SLC25A48: variants seen among roughly 807,000 people sequenced by gnomAD.
The protein encoded by SLC25A48 is CTC-321K16.1.
Under a neutral mutation model 32.2 loss-of-function variants are expected in SLC25A48, and 29 were observed. The ratio of observed to expected loss-of-function variants is 0.90; its 90% CI spans 0.67 to 1.23. The LOEUF (loss-of-function observed/expected upper bound fraction) is 1.23, where lower values mean the gene tolerates loss of function less well. SLC25A48 is among the 50% of genes most tolerant of loss of function. The pLI is 0.00. For synonymous variants in SLC25A48, 164 were observed against 172.3 expected, an observed-to-expected ratio of 0.95 and a Z score of 0.38; for missense variants, 399 against 422.7, an observed-to-expected ratio of 0.94 and a Z score of 0.49.
At chr5:135,864,256 T>A (rs1175239935) in intron 4 of SLC25A48, among the ~76,000 whole-genome samples, 2 of 152,212 alleles carry the variant, frequency 1.3e-5, no homozygotes, top group East Asian at 3.8e-4. Context: ...GGTCATCAGC[T>A]GTACCTCTGA....
At chr5:135,636,348 A>C (rs1752705042) in intron 3 of SLC25A48, among the ~76,000 whole-genome samples, 1 of 152,210 alleles carries the variant, frequency 6.6e-6, no homozygotes, top group African/African-American at 2.4e-5. Flanking sequence ...ATTTTGTTCC[A>C]TGAGAGAGGG....
At chr5:135,694,780 T>G (rs1191675042) in intron 3 of SLC25A48, among the ~76,000 whole-genome samples, 5 of 151,984 alleles carry the variant, frequency 3.3e-5, no homozygotes, top group Non-Finnish European at 7.4e-5. Flanking sequence ...AGAGATGAGG[T>G]TTCGCCATAT....
chr5:135,642,760 A>G (rs750385916), intron 3 of SLC25A48, among the ~76,000 whole-genome samples: 2 of 152,170 alleles, frequency 1.3e-5, no homozygotes, highest in Non-Finnish European at 2.9e-5. Context: ...ATCTCATAGA[A>G]ACTCATAGCG....
chr5:135,661,544 G>A (rs963548980), intron 3 of SLC25A48, among the ~76,000 whole-genome samples: 2 of 152,016 alleles, frequency 1.3e-5, no homozygotes, highest in African/African-American at 4.8e-5. Context: ...AAAAAACATG[G>A]CCTCCTTGTG....
intron 3 of SLC25A48, among the ~76,000 whole-genome samples, chr5:135,757,720 C>T (rs558933225): frequency 4.7e-5 from 7 of 149,726 alleles, no homozygotes; most frequent in Admixed American, 1.3e-4. Flanking sequence ...GATATTTATA[C>T]TGTCTAGTGT....
intron 3 of SLC25A48, among the ~76,000 whole-genome samples, chr5:135,738,404 A>C (rs911054449): frequency 6.6e-6 from 1 of 152,186 alleles, no homozygotes; most frequent in Admixed American, 6.5e-5. Context: ...GAATTCCTCC[A>C]CACCAGGACC....
chr5:135,810,989 C>T (rs1757578421), intron 3 of SLC25A48, among the ~76,000 whole-genome samples: 1 of 152,196 alleles, frequency 6.6e-6, no homozygotes, highest in African/African-American at 2.4e-5. Flanking sequence ...ACTTTGGCCA[C>T]ACAGGACGAT....
chr5:135,605,264 G>A (rs573636345), intron 1 of SLC25A48, among the ~76,000 whole-genome samples: 1 of 152,228 alleles, frequency 6.6e-6, no homozygotes, highest in Non-Finnish European at 1.5e-5. Flanking sequence ...CTTTCATGCT[G>A]GCCTCCAGCC....
intron 3 of SLC25A48, among the ~76,000 whole-genome samples, chr5:135,694,736 G>A (rs1754228172): frequency 2.0e-5 from 3 of 152,044 alleles, no homozygotes; most frequent in Admixed American, 2.0e-4. Flanking sequence ...ACGGGCACAT[G>A]CCACCATGCC....
intron 3 of SLC25A48, among the ~76,000 whole-genome samples, chr5:135,775,821 C>T (rs761790163): frequency 6.6e-6 from 1 of 151,712 alleles, no homozygotes; most frequent in African/African-American, 2.4e-5. Context: ...GATGCTATTA[C>T]GCCCAATATC....
intron 3 of SLC25A48, among the ~76,000 whole-genome samples, chr5:135,713,677 T>C (rs966970869): frequency 1.3e-5 from 2 of 152,156 alleles, no homozygotes; most frequent in African/African-American, 4.8e-5. Context: ...TGAGGAGGCG[T>C]TTTGAAGCTC....
In SLC25A48 at chr5:135,828,094, T is replaced by C. The variant is rs766450418; in HGVS notation, c.-116-14322T>C. Among the ~76,000 whole-genome samples, 4 of 152,180 alleles carry C rather than the reference T, an allele frequency of 2.6e-5. No individual in the cohort carries two copies. In the East Asian group the frequency reaches 7.7e-4, roughly 29 times the overall value. On this transcript the variant is annotated intron_variant, in intron 4 of 10. Transcript: ENST00000646290. Reference sequence around the variant, plus strand: ...GAGCTGGAGGTACCTCCCCTGCTCATGGGGATGAAGAGACCCGCCAGAGGT... The same window carrying C: ...GAGCTGGAGGTACCTCCCCTGCTCACGGGGATGAAGAGACCCGCCAGAGGT...
chr5:135,739,517 A>G lies in SLC25A48; in HGVS notation c.-520-73006A>G, dbSNP rs776638108. ...TGATCCAAGGCCGTTTGGCAATGAG[A>G]TGACAGACACCTGCCTGCCTCAAGC... On this transcript the variant is annotated intron_variant, in intron 3 of 10. Coordinates refer to the SLC25A48 transcript ENST00000646290. 2.7e-4 allele frequency among the ~76,000 whole-genome samples: 41 copies of G among 152,172 alleles called. 1 individual carries two copies. Among genetic ancestry groups the G allele is most frequent in the Non-Finnish European group, 8.8e-5 (6 of 68,032 alleles).
chr5:135,859,153 C>T (rs1760575995), intron 4 of SLC25A48, among the ~76,000 whole-genome samples: 1 of 152,104 alleles, frequency 6.6e-6, no homozygotes, highest in South Asian at 2.1e-4. Flanking sequence ...CAATCTCTTG[C>T]CACTAATAAA....
intron 3 of SLC25A48, among the ~76,000 whole-genome samples, chr5:135,790,291 A>G (rs1441480444): frequency 2.0e-5 from 3 of 151,820 alleles, no homozygotes; most frequent in Non-Finnish European, 1.5e-5. Context: ...ATTACTTCTA[A>G]TGTCACAGTG....
In SLC25A48 at chr5:135,783,407, A is replaced by G. The variant is rs13436585; in HGVS notation, c.-520-29116A>G. On this transcript the variant is annotated intron_variant, in intron 3 of 10. Transcript: ENST00000646290. Reference sequence around the variant, plus strand: ...TTCAGTATCACATGGGGTGTACACCATCCCCCTGTGTGATTGTTTCTGATA... The same window carrying G: ...TTCAGTATCACATGGGGTGTACACCGTCCCCCTGTGTGATTGTTTCTGATA... Among the ~76,000 whole-genome samples the G allele has an allele frequency of 3.3e-3, 349 of 105,886 alleles. 42 individuals are homozygous for G. Among genetic ancestry groups the G allele is most frequent in the African/African-American group, 9.6e-3 (332 of 34,582 alleles). The allele number at this position is 105,886 out of a possible 152,430, so 69.5% of individuals were successfully genotyped here. A position where few individuals can be genotyped will look rare whatever the true frequency, so the allele number is the denominator to read the frequency against.
At chr5:135,725,565 G>A (rs1405181609) in intron 3 of SLC25A48, among the ~76,000 whole-genome samples, 1 of 152,162 alleles carries the variant, frequency 6.6e-6, no homozygotes, top group Admixed American at 6.5e-5. Context: ...TCTCTCAAAT[G>A]GCCTCCCTCT....
At chr5:135,871,060 G>C (rs918850353) in intron 4 of SLC25A48, among the ~76,000 whole-genome samples, 37 of 137,588 alleles carry the variant, frequency 2.7e-4, no homozygotes, top group South Asian at 1.0e-3. Context: ...TGTGTACACA[G>C]ACACACACAC....
At chr5:135,764,904 G>T (rs922238935) in intron 3 of SLC25A48, among the ~76,000 whole-genome samples, 1 of 151,382 alleles carries the variant, frequency 6.6e-6, no homozygotes, top group Non-Finnish European at 1.5e-5. Context: ...ACTGTGATGT[G>T]TTTCCTAATA....
Sources: allele counts gnomAD v4.1 joint callset (sites outside exome capture counted in the v4.1 genomes callset), GRCh38; gene constraint gnomAD v4.1.1; transcripts MANE v1.5; gene names NCBI Gene and HGNC (gene_info 2026-07-23, HGNC 2026-07-21).